ADAM22: variants seen among roughly 807,000 people sequenced by gnomAD.
ADAM22 encodes the protein disintegrin and metalloproteinase domain-containing protein 22.
ADAM22 carries 65 observed loss-of-function variants against 144.6 expected under a neutral mutation model. That is an observed-to-expected ratio of 0.45 (90% CI 0.37 to 0.55). ADAM22 has a LOEUF of 0.55. ADAM22 is among the 20% of genes least tolerant of loss of function. The pLI, the probability that ADAM22 is intolerant of heterozygous loss-of-function variation, is 0.00. For synonymous variants in ADAM22, 391 were observed against 412.6 expected, an observed-to-expected ratio of 0.95 and a Z score of 0.63; for missense variants, 974 against 1,184.9, an observed-to-expected ratio of 0.82 and a Z score of 2.61.
chr7:88,069,633 A>T (rs1399152116), intron 3 of ADAM22, among the ~76,000 whole-genome samples: 1 of 152,142 alleles, frequency 6.6e-6, no homozygotes, highest in African/African-American at 2.4e-5. Context: ...ACCCCTGAAA[A>T]ATCTTATTCC....
chr7:87,998,136 G>A (rs1210778168), intron 3 of ADAM22, among the ~76,000 whole-genome samples: 2 of 152,152 alleles, frequency 1.3e-5, no homozygotes, highest in African/African-American at 4.8e-5. Context: ...AGCCAGTCTA[G>A]TCCTTTCAGG....
chr7:88,053,964 C>CCCGATTTTG (rs1807419969), intron 3 of ADAM22, among the ~76,000 whole-genome samples: 1 of 152,042 alleles, frequency 6.6e-6, no homozygotes, highest in Non-Finnish European at 1.5e-5. Context: ...AACCCGATCT[C>CCCGATTTTG]TATTAAAAAT....
intron 23 of ADAM22, 32 bp from the exon 24 acceptor site, chr7:88,165,800 G>T: frequency 1.4e-6 from 2 of 1,463,372 alleles, no homozygotes; most frequent in South Asian, 2.4e-5. Context: ...CCAGAGAGTT[G>T]ACATTTACTC....
chr7:88,184,375 GC>G, intron 29 of ADAM22: 1 of 434,192 alleles, frequency 2.3e-6, no homozygotes, highest in Non-Finnish European at 4.6e-6. Context: ...GGCTCTGACA[GC>G]CCCCAGACAG....
chr7:88,155,169 G>C (rs1049119804), intron 21 of ADAM22, among the ~76,000 whole-genome samples: 1 of 151,764 alleles, frequency 6.6e-6, no homozygotes, highest in African/African-American at 2.4e-5. Context: ...AGGGCAACAG[G>C]TTGAAAAAAA....
chr7:87,948,077 T>G (rs1844148660), intron 2 of ADAM22, among the ~76,000 whole-genome samples: 1 of 152,204 alleles, frequency 6.6e-6, no homozygotes, highest in African/African-American at 2.4e-5. Flanking sequence ...TCCCTCAATA[T>G]AGGCTCTGTC....
chr7:88,044,407 C>T (rs1162651249), intron 3 of ADAM22, among the ~76,000 whole-genome samples: 1 of 152,104 alleles, frequency 6.6e-6, no homozygotes, highest in Non-Finnish European at 1.5e-5. Flanking sequence ...CAACTAAAAG[C>T]TCCTCGATTT....
intron 3 of ADAM22, among the ~76,000 whole-genome samples, chr7:87,998,117 G>A (rs563470212): frequency 3.3e-5 from 5 of 152,264 alleles, no homozygotes; most frequent in South Asian, 4.1e-4. Flanking sequence ...GATAGAGGCC[G>A]GAAGACTTAG....
At chr7:88,097,675 A>T (rs1037857257) in intron 4 of ADAM22, among the ~76,000 whole-genome samples, 5 of 151,830 alleles carry the variant, frequency 3.3e-5, no homozygotes, top group Admixed American at 2.0e-4. Flanking sequence ...ATGACAAAAG[A>T]AAATTCCTCC....
At chr7:88,126,542 T>C (rs1161242848) in intron 8 of ADAM22, among the ~76,000 whole-genome samples, 1 of 152,022 alleles carries the variant, frequency 6.6e-6, no homozygotes. Context: ...TTATAAGAAT[T>C]TTAACTATAT....
chr7:88,113,703 A>ATATATATATATATATAT (rs1554478728), intron 5 of ADAM22, among the ~76,000 whole-genome samples: 8 of 48,104 alleles, frequency 1.7e-4, no homozygotes, highest in Non-Finnish European at 2.3e-4. Context: ...TAAATAAATA[A>ATATATATATATATATAT]ATATATATAT....
intron 21 of ADAM22, 71 bp from the exon 22 acceptor site, chr7:88,155,816 A>C: frequency 6.6e-7 from 1 of 1,521,832 alleles, no homozygotes; most frequent in Non-Finnish European, 8.9e-7. Context: ...AAAATGAGAG[A>C]AGATTATTCT....
intron 4 of ADAM22, among the ~76,000 whole-genome samples, chr7:88,095,666 G>A (rs1359773868): frequency 6.6e-6 from 1 of 152,030 alleles, no homozygotes; most frequent in East Asian, 1.9e-4. Context: ...TCAACAATTG[G>A]CCTGCGATAA....
chr7:88,072,798 G>C (rs1234198426), intron 3 of ADAM22, among the ~76,000 whole-genome samples: 1 of 152,154 alleles, frequency 6.6e-6, no homozygotes, highest in Non-Finnish European at 1.5e-5. Flanking sequence ...TACATCTGGG[G>C]AAGTTTTTAA....
At chr7:87,938,335 C>T (rs1248430122) in intron 2 of ADAM22, among the ~76,000 whole-genome samples, 1 of 147,880 alleles carries the variant, frequency 6.8e-6, no homozygotes, top group Non-Finnish European at 1.5e-5. Flanking sequence ...ATTCCTGTCT[C>T]AGCCACCTGA....
chr7:88,097,138 CT>C (rs1316970083), intron 4 of ADAM22, among the ~76,000 whole-genome samples: 4 of 147,408 alleles, frequency 2.7e-5, no homozygotes, highest in Non-Finnish European at 6.0e-5. Context: ...CAACCAGAAT[CT>C]TTTTTTCTTT....
At chr7:88,002,186 C>T (rs1792724946) in intron 3 of ADAM22, among the ~76,000 whole-genome samples, 1 of 152,128 alleles carries the variant, frequency 6.6e-6, no homozygotes, top group East Asian at 1.9e-4. Flanking sequence ...GGTTTTTGGT[C>T]TCTAGGACTC....
chr7:88,027,203 C>G (rs1052285075), intron 3 of ADAM22, among the ~76,000 whole-genome samples: 2 of 152,054 alleles, frequency 1.3e-5, no homozygotes, highest in African/African-American at 4.8e-5. Context: ...TTTTTTGACA[C>G]ATTTTTGTCT....
At chr7:88,136,783 A>G (rs1204539572) in intron 14 of ADAM22, among the ~76,000 whole-genome samples, 2 of 152,072 alleles carry the variant, frequency 1.3e-5, no homozygotes, top group Non-Finnish European at 2.9e-5. Context: ...TTACTCTTGT[A>G]ACCAAATACC....
Sources: allele counts gnomAD v4.1 joint callset (sites outside exome capture counted in the v4.1 genomes callset), GRCh38; gene constraint gnomAD v4.1.1; transcripts MANE v1.5; gene names NCBI Gene and HGNC (gene_info 2026-07-23, HGNC 2026-07-21).